Variants in MYRIP observed in about 807,000 individuals in gnomAD.
The protein encoded by MYRIP is myosin VIIA and Rab interacting protein, also known as rab effector MyRIP.
In MYRIP, 49 loss-of-function variants were observed where a neutral mutation model predicts 98.0. The ratio of observed to expected loss-of-function variants is 0.50; its 90% CI spans 0.40 to 0.63. MYRIP has a LOEUF of 0.63. Among genes scored for constraint, MYRIP ranks in the 30% least tolerant of loss-of-function variants. The probability of loss-of-function intolerance (pLI) is 0.00; values close to 1 mark genes in which losing one functional copy is unlikely to be tolerated. For synonymous variants in MYRIP, 404 were observed against 409.5 expected (o/e 0.99, Z 0.16); for missense variants, 1,004 against 1,058.2 (o/e 0.95, Z 0.71).
At chr3:39,980,685 C>G (rs903875837) in intron 2 of MYRIP, among the ~76,000 whole-genome samples, 1 of 152,164 alleles carries the variant, frequency 6.6e-6, no homozygotes, top group Non-Finnish European at 1.5e-5. Flanking sequence ...GCTTTAGTTA[C>G]CTTGTCCTGG....
At chr3:40,159,904 T>G (rs1411708194) in intron 4 of MYRIP, among the ~76,000 whole-genome samples, 1 of 152,212 alleles carries the variant, frequency 6.6e-6, no homozygotes, top group Non-Finnish European at 1.5e-5. Context: ...TTCTAAATTT[T>G]TTTCAAAGTT....
intron 3 of MYRIP, among the ~76,000 whole-genome samples, chr3:40,056,840 T>C (rs767367277): frequency 1.2e-4 from 19 of 152,164 alleles, no homozygotes; most frequent in Non-Finnish European, 2.1e-4. Flanking sequence ...GTCTGTGGTA[T>C]GTGTTGGAAT....
chr3:39,831,125 CTG>C (rs1431648108), intron 1 of MYRIP, among the ~76,000 whole-genome samples: 1 of 152,122 alleles, frequency 6.6e-6, no homozygotes, highest in East Asian at 1.9e-4. Flanking sequence ...TTCTAAATCT[CTG>C]GAAGTTCTTT....
At chr3:40,148,308 C>T (rs1356070778) in intron 3 of MYRIP, among the ~76,000 whole-genome samples, 4 of 152,020 alleles carry the variant, frequency 2.6e-5, no homozygotes, top group Non-Finnish European at 4.4e-5. Context: ...ATTGGTAGGC[C>T]GTCTTAACCT....
At chr3:40,063,781 G>T (rs997643817) in intron 3 of MYRIP, among the ~76,000 whole-genome samples, 2 of 152,176 alleles carry the variant, frequency 1.3e-5, no homozygotes, top group Non-Finnish European at 2.9e-5. Flanking sequence ...AATAGTCAAG[G>T]TTAAAGAGAT....
chr3:39,930,244 A>C (rs1944505024), intron 2 of MYRIP, among the ~76,000 whole-genome samples: 1 of 152,140 alleles, frequency 6.6e-6, no homozygotes, highest in South Asian at 2.1e-4. Context: ...GAGCACAGCC[A>C]TCCTGGTGGG....
intron 3 of MYRIP, among the ~76,000 whole-genome samples, chr3:40,097,010 G>C (rs915317225): frequency 6.6e-6 from 1 of 152,130 alleles, no homozygotes; most frequent in South Asian, 2.1e-4. Flanking sequence ...TCAGTAAAAG[G>C]CTCCTCTGTT....
At chr3:40,204,236 T>TTTA (rs1951733579) in intron 10 of MYRIP, among the ~76,000 whole-genome samples, 1 of 61,420 alleles carries the variant, frequency 1.6e-5, no homozygotes, top group Admixed American at 3.1e-4. Context: ...TATATATATA[T>TTTA]TTTTTTTTTT....
At chr3:40,193,458 A>G (rs979764352) in intron 10 of MYRIP, among the ~76,000 whole-genome samples, 1 of 152,132 alleles carries the variant, frequency 6.6e-6, no homozygotes, top group Admixed American at 6.6e-5. Flanking sequence ...GACTTTTTCA[A>G]TATCTTGATT....
rs1049681821 is a variant in MYRIP at position 40,186,352 on chromosome 3, A to G, written c.1028-3474A>G. ...ACCTAATATGAGGATCTGAAGACCT[A>G]TAGTTTATTTGGGAGGTGAGCCCAG... On this transcript the variant is annotated intron_variant, in intron 9 of 16. Coordinates refer to ENST00000302541, the MANE Select transcript of MYRIP (RefSeq NM_015460.4). 4.6e-5 allele frequency among the ~76,000 whole-genome samples: 7 copies of G among 152,170 alleles called. No individual in the cohort carries two copies. The South Asian group carries it at 6.2e-4, about 13-fold the overall frequency.
intron 2 of MYRIP, among the ~76,000 whole-genome samples, chr3:39,955,537 T>G (rs1377212091): frequency 6.6e-6 from 1 of 151,998 alleles, no homozygotes; most frequent in Non-Finnish European, 1.5e-5. Context: ...GCACTAAACA[T>G]GGAAAAGAAC....
chr3:40,233,678 C>T lies in MYRIP; in HGVS notation c.1906-181C>T, dbSNP rs1281016236. Among the ~76,000 whole-genome samples, 5 of 152,150 alleles carry T rather than the reference C, an allele frequency of 3.3e-5. No homozygotes were observed. The East Asian group carries it at 7.7e-4, about 23-fold the overall frequency. ...AACTAGGCAAAGTCAAATCAGGCCT[C>T]CCCTCAGTTCTCTTCTGCTGTGTCT... On this transcript the variant is annotated intron_variant, in intron 11 of 16. Transcript: ENST00000302541.
At chr3:40,156,189 C>T (rs1453500721) in intron 4 of MYRIP, among the ~76,000 whole-genome samples, 1 of 151,710 alleles carries the variant, frequency 6.6e-6, no homozygotes, top group Non-Finnish European at 1.5e-5. Context: ...AGGAAGGGAT[C>T]CAGTTTCAGC....
At chr3:39,969,310 T>C (rs1005933567) in intron 2 of MYRIP, among the ~76,000 whole-genome samples, 2 of 152,160 alleles carry the variant, frequency 1.3e-5, no homozygotes, top group Non-Finnish European at 2.9e-5. Context: ...GGATCCCCTT[T>C]ATTTCTTTCT....
At chr3:39,868,404 T>C (rs1942685292) in intron 1 of MYRIP, among the ~76,000 whole-genome samples, 1 of 152,154 alleles carries the variant, frequency 6.6e-6, no homozygotes, top group African/African-American at 2.4e-5. Context: ...TTTTCTTTTC[T>C]CCTGCAACAC....
intron 3 of MYRIP, among the ~76,000 whole-genome samples, chr3:40,063,965 C>T (rs1326836961): frequency 6.6e-6 from 1 of 151,950 alleles, no homozygotes; most frequent in African/African-American, 2.4e-5. Context: ...CGCTGGACTT[C>T]CATGAGAAGA....
chr3:39,898,448 T>A (rs935902300), intron 1 of MYRIP, among the ~76,000 whole-genome samples: 4 of 152,168 alleles, frequency 2.6e-5, no homozygotes, highest in African/African-American at 9.7e-5. Flanking sequence ...GCAGATAACC[T>A]TCTTTTAAAT....
intron 3 of MYRIP, among the ~76,000 whole-genome samples, chr3:40,116,284 A>G (rs1488455201): frequency 2.0e-5 from 3 of 152,164 alleles, no homozygotes; most frequent in Non-Finnish European, 4.4e-5. Context: ...TGAGTTGTGT[A>G]GACCTTAGGA....
At chr3:39,824,245 G>A (rs981057078) in intron 1 of MYRIP, among the ~76,000 whole-genome samples, 6 of 151,996 alleles carry the variant, frequency 3.9e-5, no homozygotes, top group African/African-American at 1.4e-4. Context: ...TGCTGTTTTG[G>A]TTATTACAGC....
Sources: gnomAD v4.1 joint callset for allele counts (sites outside exome capture counted in the v4.1 genomes callset) on GRCh38, gnomAD v4.1.1 for gene constraint, MANE v1.5 for transcripts, NCBI Gene and HGNC (gene_info 2026-07-23, HGNC 2026-07-21) for gene names.